The following KCNJ3 variants were observed in gnomAD, a reference collection of about 807,000 sequenced individuals.
The protein encoded by KCNJ3 is potassium inwardly rectifying channel subfamily J member 3.
Under a neutral mutation model 39.2 loss-of-function variants are expected in KCNJ3, and 4 were observed. The ratio of observed to expected loss-of-function variants is 0.10; its 90% confidence interval spans 0.05 to 0.23. The LOEUF is 0.23. Among genes scored for constraint, KCNJ3 ranks in the 10% least tolerant of loss-of-function variants. KCNJ3 has a pLI of 1.00. For synonymous variants in KCNJ3, 230 were observed against 237.4 expected, an observed-to-expected ratio of 0.97 and a Z score of 0.29; for missense variants, 276 against 634.9, an observed-to-expected ratio of 0.43 and a Z score of 6.08.
intron 2 of KCNJ3, among the ~76,000 whole-genome samples, chr2:154,832,311 A>G (rs182980692): frequency 2.0e-5 from 3 of 152,330 alleles, no homozygotes; most frequent in South Asian, 2.1e-4. Context: ...TGTGATAGTG[A>G]GAGTCCCTGA....
At chr2:154,802,112 T>C (rs912029179) in intron 2 of KCNJ3, among the ~76,000 whole-genome samples, 5 of 152,184 alleles carry the variant, frequency 3.3e-5, no homozygotes, top group African/African-American at 1.2e-4. Context: ...GTAATGTCTA[T>C]ATGTTTATAT....
intron 2 of KCNJ3, among the ~76,000 whole-genome samples, chr2:154,739,114 A>G (rs148519208): frequency 4.0e-4 from 61 of 152,234 alleles, no homozygotes; most frequent in African/African-American, 1.3e-3. Context: ...GGGGGTGGGT[A>G]GATCCTCAGG....
chr2:154,766,342 G>C (rs769225331), intron 2 of KCNJ3, among the ~76,000 whole-genome samples: 50 of 152,028 alleles, frequency 3.3e-4, no homozygotes, highest in Non-Finnish European at 5.0e-4. Flanking sequence ...GTATATTCAT[G>C]CCATGATATA....
chr2:154,730,093 CCTGCTGCTTT>C (rs953229899), intron 2 of KCNJ3, among the ~76,000 whole-genome samples: 1 of 151,752 alleles, frequency 6.6e-6, no homozygotes. Flanking sequence ...AGCAGTTGCC[CCTGCTGCTTT>C]CTGCTTATAA....
At chr2:154,818,974 C>G (rs536149124) in intron 2 of KCNJ3, among the ~76,000 whole-genome samples, 1 of 114,596 alleles carries the variant, frequency 8.7e-6, no homozygotes, top group African/African-American at 3.4e-5. Context: ...AATTCTACTG[C>G]AGGCCATCAG....
At chr2:154,800,662 C>T (rs1686803698) in intron 2 of KCNJ3, among the ~76,000 whole-genome samples, 1 of 152,064 alleles carries the variant, frequency 6.6e-6, no homozygotes, top group South Asian at 2.1e-4. Context: ...CTATCTTGTT[C>T]ATCCTTGCTT....
At chr2:154,778,424 A>G (rs1349832519) in intron 2 of KCNJ3, among the ~76,000 whole-genome samples, 1 of 152,172 alleles carries the variant, frequency 6.6e-6, no homozygotes, top group Non-Finnish European at 1.5e-5. Flanking sequence ...AGAATAAATG[A>G]CAGACTTCCA....
intron 2 of KCNJ3, among the ~76,000 whole-genome samples, chr2:154,731,508 T>C (rs1432911553): frequency 6.6e-6 from 1 of 152,050 alleles, no homozygotes; most frequent in Admixed American, 6.6e-5. Flanking sequence ...GTACAAGTTA[T>C]GTACATATTT....
At chr2:154,781,635 T>A (rs534814231) in intron 2 of KCNJ3, among the ~76,000 whole-genome samples, 1 of 152,324 alleles carries the variant, frequency 6.6e-6, no homozygotes, top group East Asian at 1.9e-4. Flanking sequence ...GCATGCAAGA[T>A]CTTGGCTTTT....
At chr2:154,758,925 C>T (rs894920140) in intron 2 of KCNJ3, among the ~76,000 whole-genome samples, 4 of 152,248 alleles carry the variant, frequency 2.6e-5, no homozygotes, top group South Asian at 2.1e-4. Context: ...GCTTTTTCTT[C>T]AGGGCATTAT....
At chr2:154,804,836 T>C (rs1273848390) in intron 2 of KCNJ3, among the ~76,000 whole-genome samples, 1 of 152,190 alleles carries the variant, frequency 6.6e-6, no homozygotes, top group Non-Finnish European at 1.5e-5. Flanking sequence ...TCCTAAACTT[T>C]GTAAACATTA....
At chr2:154,732,587 G>A (rs1356803052) in intron 2 of KCNJ3, among the ~76,000 whole-genome samples, 1 of 152,012 alleles carries the variant, frequency 6.6e-6, no homozygotes. Context: ...TCTGCTGATA[G>A]GTAATGCTAG....
chr2:154,830,947 A>G (rs889428185), intron 2 of KCNJ3, among the ~76,000 whole-genome samples: 1 of 152,202 alleles, frequency 6.6e-6, no homozygotes, highest in African/African-American at 2.4e-5. Context: ...CAACAATAAG[A>G]AATTGTTCCT....
intron 2 of KCNJ3, among the ~76,000 whole-genome samples, chr2:154,816,185 TCAAA>T (rs1394216413): frequency 2.0e-5 from 3 of 152,150 alleles, no homozygotes; most frequent in African/African-American, 7.2e-5. Flanking sequence ...CTTAACATGA[TCAAA>T]CAGTTAAAAA....
intron 2 of KCNJ3, among the ~76,000 whole-genome samples, chr2:154,846,790 C>T (rs376840167): frequency 6.6e-6 from 1 of 152,084 alleles, no homozygotes; most frequent in African/African-American, 2.4e-5. Context: ...ATTATTTCTT[C>T]TTTTGTTCTG....
At chr2:154,846,653 T>A (rs1003281325) in intron 2 of KCNJ3, among the ~76,000 whole-genome samples, 4 of 152,176 alleles carry the variant, frequency 2.6e-5, no homozygotes, top group Admixed American at 2.0e-4. Context: ...CTCCTAAATA[T>A]ATTTTCAGCA....
intron 2 of KCNJ3, among the ~76,000 whole-genome samples, chr2:154,760,972 C>T (rs1046282932): frequency 6.6e-6 from 1 of 151,060 alleles, no homozygotes; most frequent in Non-Finnish European, 1.5e-5. Context: ...CTCCTGACCT[C>T]ATGATCCACC....
chr2:154,770,593 A>C (rs1031159411), intron 2 of KCNJ3, among the ~76,000 whole-genome samples: 1 of 152,084 alleles, frequency 6.6e-6, no homozygotes, highest in Non-Finnish European at 1.5e-5. Context: ...CATTTATTAC[A>C]CTGCTGATTC....
intron 2 of KCNJ3, among the ~76,000 whole-genome samples, chr2:154,811,133 AG>A (rs1466560371): frequency 6.6e-6 from 1 of 152,180 alleles, no homozygotes; most frequent in Non-Finnish European, 1.5e-5. Flanking sequence ...TGGGAAAATC[AG>A]GATGTACACA....
Sources: gnomAD v4.1 joint callset for allele counts (sites outside exome capture counted in the v4.1 genomes callset) on GRCh38, gnomAD v4.1.1 for gene constraint, MANE v1.5 for transcripts, NCBI Gene and HGNC (gene_info 2026-07-23, HGNC 2026-07-21) for gene names.